The following UBR4 variants were observed in gnomAD, a reference collection of about 807,000 sequenced individuals.
The protein encoded by UBR4 is E3 ubiquitin-protein ligase UBR4.
UBR4 carries 124 observed loss-of-function variants against 575.6 expected under a neutral mutation model. The ratio of observed to expected loss-of-function variants is 0.22; its 90% CI spans 0.19 to 0.25. The LOEUF (loss-of-function observed/expected upper bound fraction) is 0.25, where lower values mean the gene tolerates loss of function less well. Among genes scored for constraint, UBR4 ranks in the 10% least tolerant of loss-of-function variants. The probability of loss-of-function intolerance (pLI) is 1.00; values close to 1 mark genes in which losing one functional copy is unlikely to be tolerated. For synonymous variants in UBR4, 2,455 were observed against 2,473.7 expected (o/e 0.99, Z 0.22); for missense variants, 4,818 against 6,478.8 (o/e 0.74, Z 8.80).
intron 53 of UBR4, 68 bp from the exon 54 acceptor site, chr1:19,144,975 CA>C: frequency 1.3e-6 from 2 of 1,585,984 alleles, no homozygotes; most frequent in Non-Finnish European, 1.7e-6. Flanking sequence ...GAGTCTGAGA[CA>C]AAAGTGTAAC....
chr1:19,175,092 A>AGGG, intron 20 of UBR4, 59 bp from the exon 21 acceptor site: 1 of 1,459,924 alleles, frequency 6.8e-7, no homozygotes, highest in South Asian at 1.2e-5. Context: ...TCTGACTAGT[A>AGGG]TGCAATGTAA....
chr1:19,128,676 GC>G (rs1273894758), intron 61 of UBR4, among the ~76,000 whole-genome samples: 2 of 152,210 alleles, frequency 1.3e-5, no homozygotes, highest in Non-Finnish European at 2.9e-5. Flanking sequence ...TGGAAGAACA[GC>G]TATTGGCCCA....
chr1:19,092,493 A>T (rs938754991), intron 97 of UBR4, among the ~76,000 whole-genome samples: 4 of 151,898 alleles, frequency 2.6e-5, no homozygotes, highest in African/African-American at 9.7e-5. Flanking sequence ...CTTGAGGCAG[A>T]GAAGATAGAG....
intron 11 of UBR4, 37 bp from the exon 12 acceptor site, chr1:19,187,577 A>T (rs1272042491): frequency 6.3e-7 from 1 of 1,594,198 alleles, no homozygotes; most frequent in East Asian, 2.2e-5. Flanking sequence ...TCCTTAAAAT[A>T]ATTAACAATA....
At chr1:19,097,154 T>G (rs201813444) in intron 91 of UBR4, 39 bp downstream of exon 91, 1 of 1,571,190 alleles carries the variant, frequency 6.4e-7, no homozygotes, top group East Asian at 2.3e-5. Flanking sequence ...CGCTCATGAG[T>G]CCCAAGCCTC....
At chr1:19,074,964 G>T in intron 105 of UBR4, 68 bp from the exon 106 acceptor site, 2 of 1,538,956 alleles carry the variant, frequency 1.3e-6, no homozygotes, top group South Asian at 2.3e-5. Context: ...CTGAGTCACA[G>T]CTGCCGCATC....
chr1:19,111,775 T>A, intron 78 of UBR4: 1 of 152,190 alleles, frequency 6.6e-6, no homozygotes, highest in African/African-American at 2.4e-5. Context: ...CATGCACCAC[T>A]ACACCTGTCT....
At chr1:19,112,092 C>G (rs2079952319) in intron 78 of UBR4, 1 of 155,548 alleles carries the variant, frequency 6.4e-6, no homozygotes, top group Admixed American at 6.5e-5. Context: ...AACACAGACT[C>G]AGAGAAATTA....
intron 19 of UBR4, among the ~76,000 whole-genome samples, chr1:19,177,006 A>G (rs1410696490): frequency 6.6e-6 from 1 of 152,248 alleles, no homozygotes; most frequent in East Asian, 1.9e-4. Flanking sequence ...CATAAAGGGT[A>G]TAGTGCTCAA....
intron 103 of UBR4, chr1:19,080,884 GA>G (rs1427232914): frequency 1.3e-5 from 2 of 157,732 alleles, no homozygotes; most frequent in African/African-American, 4.8e-5. Context: ...TGGTCTAGAG[GA>G]AGAAAGGTTC....
intron 99 of UBR4, 110 bp downstream of exon 99, chr1:19,087,706 G>T (rs1479825244): frequency 1.3e-6 from 1 of 779,594 alleles, no homozygotes; most frequent in South Asian, 1.6e-5. Flanking sequence ...TAAGATGCAG[G>T]CCTTGATCTT....
chr1:19,121,155 ATTG>A, intron 68 of UBR4, 31 bp downstream of exon 68: 1 of 1,607,178 alleles, frequency 6.2e-7, no homozygotes, highest in Non-Finnish European at 8.5e-7. Context: ...TACATACATC[ATTG>A]TAGTCACAAT....
chr1:19,120,451 T>C, intron 68 of UBR4, 103 bp from the exon 69 acceptor site: 3 of 1,389,436 alleles, frequency 2.2e-6, no homozygotes, highest in Non-Finnish European at 2.9e-6. Context: ...TCTGTCCATT[T>C]CTAAAAGTTT....
chr1:19,142,559 A>G (rs570184739), intron 55 of UBR4, among the ~76,000 whole-genome samples: 1 of 152,256 alleles, frequency 6.6e-6, no homozygotes, highest in South Asian at 2.1e-4. Context: ...AGATTTTCTG[A>G]AAGTCACAAA....
chr1:19,151,604 C>A (rs972940408), intron 48 of UBR4, 39 bp downstream of exon 48: 1 of 1,611,076 alleles, frequency 6.2e-7, no homozygotes, highest in Non-Finnish European at 8.5e-7. Context: ...TTCGCAGTCA[C>A]AATGAGGACA....
At position 19,150,588 on chromosome 1, in the gene UBR4, A is replaced by G; in HGVS notation, c.7419T>C (p.Thr2473=). 1 of 1,613,218 alleles carries G rather than the reference A, an allele frequency of 6.2e-7. No individual in the cohort carries two copies. Among genetic ancestry groups the G allele is most frequent in the Non-Finnish European group, 8.5e-7 (1 of 1,180,012 alleles). Residue 2473 remains threonine, a synonymous_variant, in exon 49 of 106, where the codon ACT becomes ACC. Coordinates refer to ENST00000375254, the MANE Select transcript of UBR4 (RefSeq NM_020765.3). ...GCCAGCACTGGTACCTCTCCAGGAC[A>G]GTTCCACTGGTCGTAGTGGGGGCAG... is the stretch of plus-strand genomic sequence containing the variant. The part of the protein sequence containing the change: ...DSAAPTTTSG[T]VLERLVVSSL...
chr1:19,106,128 G>C (rs4912047), intron 83 of UBR4, among the ~76,000 whole-genome samples: 23,982 of 152,194 alleles, frequency 0.16, 2,018 homozygotes, highest in Middle Eastern at 0.2. Flanking sequence ...CCTTAGCAAA[G>C]ATGCTGATCA....
rs753539320 is a variant in UBR4, at chr1:19,141,665, A to G, written c.8292T>C (p.His2764=). 1.2e-4 allele frequency: 194 copies of G among 1,613,574 alleles called. No individual in the cohort carries two copies. The highest frequency in any genetic ancestry group is 7.8e-5 in the Non-Finnish European group (92 of 1,179,646). ...QESQEQSEVD[H]GDFEMVSESM... is the part of the protein sequence containing the mutation. ...GACTCACCACCATCTCAAAATCTCC[A>G]TGGTCCACCTCACTCTGTTCCTGGC... Residue 2764 remains histidine, a synonymous_variant, in exon 56 of 106, where the codon CAT becomes CAC. Coordinates refer to ENST00000375254, the MANE Select transcript of UBR4 (RefSeq NM_020765.3).
chr1:19,094,066 C>T lies in UBR4; in HGVS notation c.13820G>A (p.Arg4607His), dbSNP rs1438186596. ...LLDQINSTFV[R>H]SNPSVLQGLL... ...GCCCTGGAGCACACTGGGGTTGGAG[C>T]GAACAAAGGTGCTGTTGATCTGGTC... Residue 4607 changes from arginine to histidine, a missense_variant, in exon 95 of 106, where the codon CGC becomes CAC. By Grantham distance (29) the Arg-to-His change is conservative. Around this residue, in one of 29 missense-constraint regions of UBR4, gnomAD observed 165 missense variants for 282.3 expected, o/e 0.58. Coordinates refer to ENST00000375254, the MANE Select transcript of UBR4 (RefSeq NM_020765.3). 17 of 1,613,916 alleles carry T rather than the reference C, an allele frequency of 1.1e-5. No individual in the cohort carries two copies. The highest frequency in any genetic ancestry group is 1.4e-5 in the Non-Finnish European group (16 of 1,179,992).
Sources: allele counts gnomAD v4.1 joint callset (sites outside exome capture counted in the v4.1 genomes callset), GRCh38; gene constraint gnomAD v4.1.1; regional missense constraint gnomAD v4.1.1; transcripts MANE v1.5; gene names NCBI Gene and HGNC (gene_info 2026-07-23, HGNC 2026-07-21).